The following UBE2O variants were observed in gnomAD, a reference collection of about 807,000 sequenced individuals.
UBE2O encodes ubiquitin conjugating enzyme E2 O, also known as (E3-independent) E2 ubiquitin-conjugating enzyme.
A neutral mutation model predicts 125.8 loss-of-function variants in UBE2O; 15 were observed. The ratio of observed to expected loss-of-function variants is 0.12; its 90% CI spans 0.08 to 0.18. UBE2O has a LOEUF of 0.18. UBE2O is among the 10% of genes least tolerant of loss of function. The probability of loss-of-function intolerance (pLI) is 1.00; values close to 1 mark genes in which losing one functional copy is unlikely to be tolerated. For synonymous variants in UBE2O, 708 were observed against 703.2 expected (o/e 1.01, Z -0.11); for missense variants, 1,280 against 1,723.6 (o/e 0.74, Z 4.56).
At chr17:76,418,794 C>G (rs567775281) in intron 1 of UBE2O, among the ~76,000 whole-genome samples, 48 of 152,268 alleles carry the variant, frequency 3.2e-4, no homozygotes, top group African/African-American at 1.0e-3. Flanking sequence ...TGGTCTTGAT[C>G]TCCTGACCTC....
chr17:76,408,351 C>T (rs1390756267), intron 1 of UBE2O, among the ~76,000 whole-genome samples: 1 of 152,156 alleles, frequency 6.6e-6, no homozygotes, highest in African/African-American at 2.4e-5. Flanking sequence ...TGAGGTGCTC[C>T]ACAACCCATG....
At chr17:76,441,364 A>G (rs1297353841) in intron 1 of UBE2O, among the ~76,000 whole-genome samples, 1 of 152,232 alleles carries the variant, frequency 6.6e-6, no homozygotes, top group African/African-American at 2.4e-5. Context: ...AACCACCAGC[A>G]AGCAATGGGG....
chr17:76,448,729 G>C (rs548630700), intron 1 of UBE2O, among the ~76,000 whole-genome samples: 3 of 152,256 alleles, frequency 2.0e-5, no homozygotes, highest in Non-Finnish European at 4.4e-5. Context: ...CCCTTACCTC[G>C]CAGGGGGCTG....
intron 1 of UBE2O, among the ~76,000 whole-genome samples, chr17:76,426,252 T>A (rs1343229960): frequency 1.3e-5 from 2 of 152,146 alleles, no homozygotes; most frequent in African/African-American, 4.8e-5. Flanking sequence ...CCTCCTGTCT[T>A]GGCTTCCCAA....
intron 1 of UBE2O, among the ~76,000 whole-genome samples, chr17:76,449,696 A>C (rs576604137): frequency 6.6e-6 from 1 of 152,226 alleles, no homozygotes; most frequent in South Asian, 2.1e-4. Flanking sequence ...AGGCGGGCGG[A>C]TCACCTGAGG....
chr17:76,424,262 G>A (rs923314435), intron 1 of UBE2O, among the ~76,000 whole-genome samples: 45 of 141,686 alleles, frequency 3.2e-4, no homozygotes, highest in South Asian at 1.1e-3. Context: ...AGCCTGGAGT[G>A]CAATGGCACA....
chr17:76,437,704 C>A (rs1181838600), intron 1 of UBE2O, among the ~76,000 whole-genome samples: 2 of 152,052 alleles, frequency 1.3e-5, no homozygotes, highest in African/African-American at 4.8e-5. Flanking sequence ...CAGGCACGTG[C>A]CACTGTGCCT....
intron 1 of UBE2O, among the ~76,000 whole-genome samples, chr17:76,429,015 C>T (rs906008406): frequency 2.0e-5 from 3 of 151,536 alleles, no homozygotes; most frequent in African/African-American, 7.3e-5. Flanking sequence ...AATTCTCCTG[C>T]CTCAGCCTCC....
intron 1 of UBE2O, among the ~76,000 whole-genome samples, chr17:76,427,607 A>G (rs1480583674): frequency 1.3e-5 from 2 of 152,220 alleles, no homozygotes; most frequent in African/African-American, 4.8e-5. Flanking sequence ...TCACTCTAGA[A>G]AAGTTCTGCC....
At chr17:76,416,190 A>G (rs932077041) in intron 1 of UBE2O, among the ~76,000 whole-genome samples, 1 of 151,736 alleles carries the variant, frequency 6.6e-6, no homozygotes, top group Admixed American at 6.6e-5. Flanking sequence ...GTGTATATGT[A>G]TATGTGTATA....
chr17:76,449,640 C>T (rs996275143), intron 1 of UBE2O, among the ~76,000 whole-genome samples: 8 of 151,364 alleles, frequency 5.3e-5, no homozygotes, highest in African/African-American at 1.5e-4. Context: ...AAGTTTCGGG[C>T]GGGTGCGGTG....
At chr17:76,435,619 C>T (rs2072984260) in intron 1 of UBE2O, among the ~76,000 whole-genome samples, 1 of 152,212 alleles carries the variant, frequency 6.6e-6, no homozygotes, top group East Asian at 1.9e-4. Flanking sequence ...GCTGAGCCCT[C>T]TCGAAGGTGA....
intron 1 of UBE2O, among the ~76,000 whole-genome samples, chr17:76,428,450 A>G (rs929663064): frequency 1.3e-5 from 2 of 152,168 alleles, no homozygotes; most frequent in East Asian, 3.8e-4. Flanking sequence ...TAATGGTTTT[A>G]ATTTCCGAGA....
chr17:76,417,742 C>G (rs1285366388), intron 1 of UBE2O, among the ~76,000 whole-genome samples: 2 of 152,182 alleles, frequency 1.3e-5, no homozygotes, highest in African/African-American at 4.8e-5. Flanking sequence ...GGGCAGGAAA[C>G]AGCTATTGCA....
At chr17:76,401,873 C>CAAA (rs71280851) in intron 5 of UBE2O, 191 bp downstream of exon 5, 137 of 152,320 alleles carry the variant, frequency 9.0e-4, no homozygotes, top group South Asian at 2.8e-3. Context: ...GACTCTGTCT[C>CAAA]AAAAAAAAAA....
In UBE2O at chr17:76,398,122, G is replaced by A. The variant is rs2072248788; in HGVS notation, c.2025+133C>T. The stretch of plus-strand genomic sequence containing the variant: ...GCGGCAGCTTGACTCTGGGGCAGCT[G>A]CCCTTCTGAGGACACTGAGCCCAGA... On this transcript the variant is annotated intron_variant, in intron 12 of 17. Coordinates refer to ENST00000319380, the MANE Select transcript of UBE2O (RefSeq NM_022066.4). The surrounding 1 kb of genome is among the most constrained non-coding windows in gnomAD (Gnocchi z 5.4). 8 of 1,266,940 alleles carry A rather than the reference G, an allele frequency of 6.3e-6. No homozygotes were observed. Among genetic ancestry groups the A allele is most frequent in the Non-Finnish European group, 8.9e-6 (8 of 899,498 alleles). 78.5% of individuals were successfully genotyped at this position (1,266,940 alleles called of 1,614,324 possible). A position where few individuals can be genotyped will look rare whatever the true frequency, so the allele number is the denominator to read the frequency against.
In UBE2O at chr17:76,402,885, T is replaced by A. The variant is rs1227346795; in HGVS notation, c.589-186A>T. 1.3e-5 allele frequency among the ~76,000 whole-genome samples: 2 copies of A among 151,338 alleles called. No individual in the cohort carries two copies. The highest frequency in any genetic ancestry group is 4.9e-5 in the African/African-American group (2 of 40,712). On this transcript the variant is annotated intron_variant, in intron 3 of 17. Transcript: ENST00000319380. The surrounding 1 kb of genome is among the most constrained non-coding windows in gnomAD (Gnocchi z 5.4). ...CCCTCCCTACAAGTTCTAGGCTGCATCCCAGCTGCTCTTCCCAGTGAGGAG... is the reference window on the plus strand; with the variant it reads ...CCCTCCCTACAAGTTCTAGGCTGCAACCCAGCTGCTCTTCCCAGTGAGGAG...
intron 1 of UBE2O, among the ~76,000 whole-genome samples, chr17:76,435,449 C>A (rs953958994): frequency 3.6e-5 from 5 of 140,742 alleles, no homozygotes; most frequent in Non-Finnish European, 6.3e-5. Context: ...CACACACACA[C>A]ACACACAAAG....
rs561296589 is a variant in UBE2O, at chr17:76,400,911, C to T, written c.894+100G>A. Reference sequence around the variant, plus strand: ...TCAACAGGGTCCAGATGCTGAGGAGCGGGGCTCAACCCTCAAGAGCAGGAA... The same window carrying T: ...TCAACAGGGTCCAGATGCTGAGGAGTGGGGCTCAACCCTCAAGAGCAGGAA... On this transcript the variant is annotated intron_variant, in intron 6 of 17. Coordinates refer to ENST00000319380, the MANE Select transcript of UBE2O (RefSeq NM_022066.4). This position sits in a 1 kb window ranked among gnomAD's most constrained non-coding sequence, Gnocchi z 4.3. 61 of 1,410,450 alleles carry T rather than the reference C, an allele frequency of 4.3e-5. No individual in the cohort carries two copies. In the South Asian group the frequency reaches 4.7e-4, roughly 11 times the overall value. The allele number at this position is 1,410,450 out of a possible 1,614,324, so 87.4% of individuals were successfully genotyped here.
Sources: allele counts gnomAD v4.1 joint callset (sites outside exome capture counted in the v4.1 genomes callset), GRCh38; gene constraint gnomAD v4.1.1; non-coding constraint Gnocchi (gnomAD v3.1); transcripts MANE v1.5; gene names NCBI Gene and HGNC (gene_info 2026-07-23, HGNC 2026-07-21).